Variants in TMEM132D observed in about 807,000 individuals in gnomAD.
TMEM132D encodes transmembrane protein 132D.
Under a neutral mutation model 62.3 loss-of-function variants are expected in TMEM132D, and 21 were observed. The ratio of observed to expected loss-of-function variants is 0.34; its 90% confidence interval spans 0.24 to 0.49. TMEM132D has a LOEUF of 0.49. Among genes scored for constraint, TMEM132D ranks in the 20% least tolerant of loss-of-function variants. The pLI is 0.99. For synonymous variants in TMEM132D, 621 were observed against 575.6 expected, an observed-to-expected ratio of 1.08 and a Z score of -1.13; for missense variants, 1,346 against 1,402.8, an observed-to-expected ratio of 0.96 and a Z score of 0.65.
At chr12:129,717,518 A>G (rs1868634394) in intron 1 of TMEM132D, among the ~76,000 whole-genome samples, 1 of 149,598 alleles carries the variant, frequency 6.7e-6, no homozygotes, top group South Asian at 2.1e-4. Context: ...TTAATAATAT[A>G]TTTAATAAAA....
chr12:129,754,131 G>A (rs1240480289), intron 1 of TMEM132D, among the ~76,000 whole-genome samples: 2 of 152,184 alleles, frequency 1.3e-5, no homozygotes, highest in Non-Finnish European at 2.9e-5. Context: ...ATGAAGAAAA[G>A]AGCGGGAAAA....
chr12:129,416,283 G>A (rs1872118865), intron 3 of TMEM132D, among the ~76,000 whole-genome samples: 1 of 152,190 alleles, frequency 6.6e-6, no homozygotes, highest in Non-Finnish European at 1.5e-5. Flanking sequence ...TCCCCTGTAA[G>A]TTGTATTCCT....
chr12:129,127,063 A>G (rs1876233788), intron 5 of TMEM132D, among the ~76,000 whole-genome samples: 1 of 152,226 alleles, frequency 6.6e-6, no homozygotes, highest in South Asian at 2.1e-4. Context: ...CCAAGGAATG[A>G]CAGACCTGCC....
chr12:129,423,705 T>G (rs1872395945), intron 3 of TMEM132D, among the ~76,000 whole-genome samples: 1 of 152,136 alleles, frequency 6.6e-6, no homozygotes, highest in Admixed American at 6.5e-5. Context: ...GGACAGACCC[T>G]TAGAAAATGC....
intron 1 of TMEM132D, among the ~76,000 whole-genome samples, chr12:129,889,947 C>A (rs1434726363): frequency 6.6e-6 from 1 of 152,162 alleles, no homozygotes; most frequent in Non-Finnish European, 1.5e-5. Context: ...AAATTAGGAT[C>A]CTTGCATCCT....
intron 4 of TMEM132D, among the ~76,000 whole-genome samples, chr12:129,272,766 A>C (rs1249899747): frequency 6.6e-6 from 1 of 151,808 alleles, no homozygotes; most frequent in Non-Finnish European, 1.5e-5. Context: ...TATTATTAAT[A>C]AGTAACAAAA....
At chr12:129,881,104 G>A (rs900579703) in intron 1 of TMEM132D, among the ~76,000 whole-genome samples, 2 of 151,824 alleles carry the variant, frequency 1.3e-5, no homozygotes, top group African/African-American at 2.4e-5. Context: ...CAATAACACT[G>A]GGGAAAAAGG....
chr12:129,737,504 C>G (rs191788702), intron 1 of TMEM132D, among the ~76,000 whole-genome samples: 1 of 152,188 alleles, frequency 6.6e-6, no homozygotes, highest in Non-Finnish European at 1.5e-5. Flanking sequence ...TGGCTAGACA[C>G]AAATCCTAGC....
chr12:129,259,229 G>T (rs77975205), intron 4 of TMEM132D, among the ~76,000 whole-genome samples: 1 of 152,154 alleles, frequency 6.6e-6, no homozygotes, highest in Non-Finnish European at 1.5e-5. Context: ...ACTGCAGGAG[G>T]ATCTAGGCTG....
chr12:129,221,321 C>T (rs12303999), intron 4 of TMEM132D, among the ~76,000 whole-genome samples: 46,549 of 152,114 alleles, frequency 0.31, 7,678 homozygotes, highest in Middle Eastern at 0.42. Context: ...ACAGGACATA[C>T]AGCAGGAGGA....
chr12:129,435,142 G>A (rs768743932), intron 3 of TMEM132D, among the ~76,000 whole-genome samples: 3 of 152,136 alleles, frequency 2.0e-5, no homozygotes, highest in Admixed American at 6.5e-5. Context: ...CAAAAGATAG[G>A]ATTTTATTCT....
At chr12:129,656,882 G>C (rs1469210377) in intron 2 of TMEM132D, among the ~76,000 whole-genome samples, 2 of 152,094 alleles carry the variant, frequency 1.3e-5, no homozygotes, top group African/African-American at 4.8e-5. Context: ...CTCAAACTCA[G>C]ACACCCTCAC....
intron 5 of TMEM132D, among the ~76,000 whole-genome samples, chr12:129,114,565 G>A (rs957166899): frequency 2.6e-5 from 4 of 151,784 alleles, no homozygotes; most frequent in African/African-American, 9.7e-5. Flanking sequence ...AATCATGAAC[G>A]TGCAGCTCAA....
intron 2 of TMEM132D, among the ~76,000 whole-genome samples, chr12:129,622,479 T>A (rs762835919): frequency 3.3e-5 from 5 of 152,150 alleles, no homozygotes; most frequent in Non-Finnish European, 7.3e-5. Context: ...CAAGGAAAAG[T>A]CCAGCTGACC....
intron 2 of TMEM132D, among the ~76,000 whole-genome samples, chr12:129,552,575 G>C (rs567501197): frequency 6.6e-6 from 1 of 150,872 alleles, no homozygotes; most frequent in Non-Finnish European, 1.5e-5. Flanking sequence ...TCATCTATCT[G>C]TTCACATCCA....
At chr12:129,542,348 T>G (rs913875971) in intron 2 of TMEM132D, among the ~76,000 whole-genome samples, 4 of 152,230 alleles carry the variant, frequency 2.6e-5, no homozygotes, top group Non-Finnish European at 4.4e-5. Context: ...ACCAGTGTTT[T>G]AGAGAAATTG....
intron 4 of TMEM132D, among the ~76,000 whole-genome samples, chr12:129,335,343 G>A (rs1869239347): frequency 6.6e-6 from 1 of 151,686 alleles, no homozygotes; most frequent in African/African-American, 2.4e-5. Flanking sequence ...TTGCCATGTT[G>A]GTCAAGCTGG....
intron 2 of TMEM132D, among the ~76,000 whole-genome samples, chr12:129,565,334 G>A (rs1487467949): frequency 1.3e-5 from 2 of 152,204 alleles, no homozygotes; most frequent in Admixed American, 1.3e-4. Context: ...GATAGAGGCA[G>A]GGACTTAAAG....
intron 2 of TMEM132D, among the ~76,000 whole-genome samples, chr12:129,539,838 A>G (rs1876536376): frequency 6.6e-6 from 1 of 152,178 alleles, no homozygotes; most frequent in Non-Finnish European, 1.5e-5. Context: ...CCAGCTCAAG[A>G]GACAAAGCAG....
Sources: gnomAD v4.1 joint callset for allele counts (sites outside exome capture counted in the v4.1 genomes callset) on GRCh38, gnomAD v4.1.1 for gene constraint, MANE v1.5 for transcripts, NCBI Gene and HGNC (gene_info 2026-07-23, HGNC 2026-07-21) for gene names.